CDC37L1: variants seen among roughly 807,000 people sequenced by gnomAD.
CDC37L1 encodes hsp90 co-chaperone Cdc37-like 1.
A neutral mutation model predicts 45.9 loss-of-function variants in CDC37L1; 32 were observed. That is an observed-to-expected ratio of 0.70 (90% CI 0.53 to 0.94). The LOEUF (loss-of-function observed/expected upper bound fraction) is 0.94. Ranked by LOEUF, CDC37L1 falls within the 40% of genes least tolerant of loss-of-function variation. The probability of loss-of-function intolerance (pLI) is 0.00; values close to 1 mark genes in which losing one functional copy is unlikely to be tolerated. For missense variants in CDC37L1, 434 were observed against 405.7 expected, an observed-to-expected ratio of 1.07 and a Z score of -0.60; for synonymous variants, 150 against 133.0, an observed-to-expected ratio of 1.13 and a Z score of -0.88.
At chr9:4,688,218 T>C (rs911755472) in intron 2 of CDC37L1, among the ~76,000 whole-genome samples, 2 of 152,196 alleles carry the variant, frequency 1.3e-5, no homozygotes, top group Non-Finnish European at 2.9e-5. Context: ...CAGGCTGGTC[T>C]TGAACTCCTG....
intron 5 of CDC37L1, among the ~76,000 whole-genome samples, chr9:4,699,241 C>A (rs1841376326): frequency 6.6e-6 from 1 of 152,158 alleles, no homozygotes; most frequent in Non-Finnish European, 1.5e-5. Flanking sequence ...TATTCCTAAT[C>A]CAAAATCCAA....
At chr9:4,688,998 T>A (rs1253403449) in intron 3 of CDC37L1, among the ~76,000 whole-genome samples, 2 of 152,202 alleles carry the variant, frequency 1.3e-5, no homozygotes, top group Non-Finnish European at 2.9e-5. Flanking sequence ...TGATGCTTTA[T>A]AATTCAGGCA....
chr9:4,702,080 T>G, intron 6 of CDC37L1, 52 bp downstream of exon 6: 1 of 972,482 alleles, frequency 1.0e-6, no homozygotes. Context: ...TTCACATAAT[T>G]TTTGTTATTT....
intron 1 of CDC37L1, among the ~76,000 whole-genome samples, chr9:4,681,597 T>A (rs1841194437): frequency 6.6e-6 from 1 of 152,096 alleles, no homozygotes. Flanking sequence ...GATCACACCA[T>A]TGCATTCCAG....
At chr9:4,696,019 C>T (rs1436125629) in intron 3 of CDC37L1, among the ~76,000 whole-genome samples, 1 of 152,228 alleles carries the variant, frequency 6.6e-6, no homozygotes, top group Admixed American at 6.5e-5. Flanking sequence ...CTCCTGACCT[C>T]AGGTGATCCG....
intron 6 of CDC37L1, 121 bp from the exon 7 acceptor site, chr9:4,705,890 C>A: frequency 2.4e-6 from 1 of 425,398 alleles, no homozygotes; most frequent in Non-Finnish European, 4.3e-6. Context: ...TTCTTTCCTA[C>A]TGCTCTACTA....
At chr9:4,696,105 G>A (rs553361866) in intron 3 of CDC37L1, among the ~76,000 whole-genome samples, 7 of 152,136 alleles carry the variant, frequency 4.6e-5, no homozygotes, top group African/African-American at 1.7e-4. Context: ...TTTTTTAAGT[G>A]AGGAGAAAAT....
At chr9:4,685,488 A>G (rs1261059299) in intron 2 of CDC37L1, 2 of 233,218 alleles carry the variant, frequency 8.6e-6, no homozygotes, top group Admixed American at 5.0e-5. Flanking sequence ...TTTCCTCCAC[A>G]TATATTTTGT....
Position 4,701,886 on chromosome 9 carries a change from A to C in CDC37L1, c.770A>C (p.Glu257Ala). 2 of 1,602,860 alleles carry C rather than the reference A, an allele frequency of 1.2e-6. No homozygotes were observed. The highest frequency in any genetic ancestry group is 1.7e-6 in the Non-Finnish European group (2 of 1,176,506). The change falls in exon 6 of 7, where the codon GAA (glutamate) becomes GCA (alanine). Residue 257 changes from glutamate to alanine, a missense_variant. Transcript: ENST00000381854. Reference sequence around the variant, plus strand: ...TAGGCAGAGGAAGAAGGTTATTTTGAAGCATTCAAAAATGAACTTGAAGCT... The same window carrying C: ...TAGGCAGAGGAAGAAGGTTATTTTGCAGCATTCAAAAATGAACTTGAAGCT... ...KAKAEEEGYFEAFKNELEAFK... is the reference protein window; with the variant it reads ...KAKAEEEGYFAAFKNELEAFK...
chr9:4,693,127 G>T (rs1446735145), intron 3 of CDC37L1, among the ~76,000 whole-genome samples: 2 of 152,068 alleles, frequency 1.3e-5, no homozygotes, highest in East Asian at 3.9e-4. Flanking sequence ...AAATTAAAAT[G>T]AATTAGTGTA....
rs1841172213 is a variant in CDC37L1, at chr9:4,679,910, G to A, written c.132+11G>A. On this transcript the variant is annotated intron_variant, in intron 1 of 6. Coordinates refer to ENST00000381854, the MANE Select transcript of CDC37L1 (RefSeq NM_017913.4). ...GGCGGCGGCGCCCAGGTGAGAAGGGGCCTGCGTTCTGCGGAGGGATGGAGT... is the reference window on the plus strand; with the variant it reads ...GGCGGCGGCGCCCAGGTGAGAAGGGACCTGCGTTCTGCGGAGGGATGGAGT... 6.2e-7 allele frequency: 1 copy of A among 1,613,462 alleles called. No homozygotes were observed. The highest frequency in any genetic ancestry group is 8.5e-7 in the Non-Finnish European group (1 of 1,179,838).
At chr9:4,686,390 A>G (rs1385541349) in intron 2 of CDC37L1, among the ~76,000 whole-genome samples, 1 of 151,964 alleles carries the variant, frequency 6.6e-6, no homozygotes. Flanking sequence ...CCCCCTCCAC[A>G]ATGGGATCAT....
intron 3 of CDC37L1, among the ~76,000 whole-genome samples, chr9:4,690,409 C>T (rs1418728305): frequency 2.0e-5 from 3 of 152,014 alleles, no homozygotes; most frequent in Admixed American, 6.6e-5. Context: ...TGCATTGTGC[C>T]GTATTGAGAT....
chr9:4,679,818 G>T lies in CDC37L1; in HGVS notation c.51G>T (p.Glu17Asp), dbSNP rs1841170125. ...GACCCTGGAGCCTCCCTCGGGCCGA[G>T]GGTGAGGCTGAGGAAGAGAGTGACT... is the stretch of plus-strand genomic sequence containing the variant. ...PPGPWSLPRA[E>D]GEAEEESDFD... The change falls in exon 1 of 7, where the codon GAG (glutamate) becomes GAT (aspartate). Residue 17 changes from glutamate (E) to aspartate (D), a missense_variant. By Grantham distance (45) the Glu-to-Asp change is conservative. Transcript: ENST00000381854. 1.2e-6 allele frequency: 2 copies of T among 1,613,926 alleles called. No individual in the cohort carries two copies. Among genetic ancestry groups the T allele is most frequent in the Non-Finnish European group, 1.7e-6 (2 of 1,179,940 alleles).
At position 4,707,423 on chromosome 9, in the gene CDC37L1, G is replaced by T. The variant is rs183603164; in HGVS notation, c.*1311G>T. The T allele has an allele frequency of 6.6e-6, 1 of 152,326 alleles. No homozygotes were observed. Among genetic ancestry groups the T allele is most frequent in the African/African-American group, 2.4e-5 (1 of 41,556 alleles). The allele number at this position is 152,326 out of a possible 1,614,324, so 9.4% of individuals were successfully genotyped here. On this transcript the variant is annotated 3_prime_UTR_variant, in exon 7 of 7. Coordinates refer to ENST00000381854, the MANE Select transcript of CDC37L1 (RefSeq NM_017913.4). Reference sequence around the variant, plus strand: ...TTGGAAGGTGGCTAACTGGGACTGGGAATACGTGTCTCAACTTGAGAAACC... The same window carrying T: ...TTGGAAGGTGGCTAACTGGGACTGGTAATACGTGTCTCAACTTGAGAAACC...
Position 4,679,908 on chromosome 9 carries a change from G to C in CDC37L1, c.132+9G>C. 1.2e-6 allele frequency: 2 copies of C among 1,613,486 alleles called. No homozygotes were observed. The highest frequency in any genetic ancestry group is 1.7e-6 in the Non-Finnish European group (2 of 1,179,838). On this transcript the variant is annotated intron_variant, in intron 1 of 6. Coordinates refer to ENST00000381854, the MANE Select transcript of CDC37L1 (RefSeq NM_017913.4). ...CAGGCGGCGGCGCCCAGGTGAGAAG[G>C]GGCCTGCGTTCTGCGGAGGGATGGA...
rs1563771437 is a variant in CDC37L1, at chr9:4,697,172, ATATCT to A, written c.589_593del (p.Leu197PhefsTer9). The A allele has an allele frequency of 1.3e-6, 2 of 1,588,034 alleles. No individual in the cohort carries two copies. The highest frequency in any genetic ancestry group is 2.7e-5 in the African/African-American group (2 of 74,320). On this transcript the variant is annotated frameshift_variant, in exon 4 of 7. Coordinates refer to ENST00000381854, the MANE Select transcript of CDC37L1 (RefSeq NM_017913.4). LOFTEE classifies it high-confidence loss of function. ...ACCTTGTATGTGAAGAAACTGCTAA[ATATCT>A]TATTTTATGGTGTTTTCACCTGGAA... is the stretch of plus-strand genomic sequence containing the variant.
At chr9:4,681,328 A>G (rs914314496) in intron 1 of CDC37L1, among the ~76,000 whole-genome samples, 3 of 152,226 alleles carry the variant, frequency 2.0e-5, no homozygotes, top group African/African-American at 7.2e-5. Context: ...CTCTCTCATT[A>G]AAAGTGTTTT....
chr9:4,705,198 T>G (rs1194591812), intron 6 of CDC37L1, among the ~76,000 whole-genome samples: 2 of 152,174 alleles, frequency 1.3e-5, no homozygotes, highest in Non-Finnish European at 2.9e-5. Context: ...AAAATAAATA[T>G]AAGTAAAACT....
Sources: gnomAD v4.1 joint callset for allele counts (sites outside exome capture counted in the v4.1 genomes callset) on GRCh38, gnomAD v4.1.1 for gene constraint, MANE v1.5 for transcripts, NCBI Gene and HGNC (gene_info 2026-07-23, HGNC 2026-07-21) for gene names.